The following TBC1D4 variants were observed in gnomAD, a reference collection of about 807,000 sequenced individuals.
The protein encoded by TBC1D4 is TBC (Tre-2, BUB2, CDC16) domain-containing protein.
TBC1D4 carries 121 observed loss-of-function variants against 142.5 expected under a neutral mutation model. The ratio of observed to expected loss-of-function variants is 0.85; its 90% confidence interval spans 0.73 to 0.99. The LOEUF is 0.99. Ranked by LOEUF, TBC1D4 falls within the 50% of genes least tolerant of loss-of-function variation. The pLI is 0.00. For synonymous variants in TBC1D4, 630 were observed against 628.2 expected, an observed-to-expected ratio of 1.00 and a Z score of -0.04; for missense variants, 1,475 against 1,606.6, an observed-to-expected ratio of 0.92 and a Z score of 1.40.
chr13:75,458,644 A>C (rs1179881887), intron 1 of TBC1D4, among the ~76,000 whole-genome samples: 1 of 152,182 alleles, frequency 6.6e-6, no homozygotes, highest in Non-Finnish European at 1.5e-5. Context: ...AACTCTATTT[A>C]ATGTATACCC....
intron 3 of TBC1D4, among the ~76,000 whole-genome samples, 181 bp downstream of exon 3, chr13:75,359,587 AT>A (rs1566422783): frequency 2.0e-5 from 3 of 152,236 alleles, no homozygotes; most frequent in African/African-American, 7.2e-5. Flanking sequence ...CCTGGGCAGG[AT>A]TTTGGTGCTG....
In TBC1D4 at chr13:75,287,027, T is replaced by C; in HGVS notation, c.3664-2A>G. ...GGCCTGGATTTTAGTATGAGCTACC[T>C]GTTTGGGGGGGAAAAAATCCTCCAA... On this transcript the variant is annotated splice_acceptor_variant, in intron 20 of 20. Transcript: ENST00000377636. LOFTEE classifies it high-confidence loss of function. The C allele has an allele frequency of 1.2e-6, 2 of 1,601,660 alleles. No homozygotes were observed. Among genetic ancestry groups the C allele is most frequent in the Non-Finnish European group, 1.7e-6 (2 of 1,179,070 alleles).
At chr13:75,343,116 G>A (rs944418030) in intron 5 of TBC1D4, among the ~76,000 whole-genome samples, 2 of 152,212 alleles carry the variant, frequency 1.3e-5, no homozygotes, top group African/African-American at 4.8e-5. Flanking sequence ...TTTTCTCATT[G>A]TATTCATTTC....
At chr13:75,410,148 A>G (rs566330643) in intron 1 of TBC1D4, among the ~76,000 whole-genome samples, 2 of 152,274 alleles carry the variant, frequency 1.3e-5, no homozygotes, top group South Asian at 2.1e-4. Context: ...CATGATAATC[A>G]CTCAATAAAT....
At chr13:75,461,967 C>T (rs1483213537) in intron 1 of TBC1D4, among the ~76,000 whole-genome samples, 2 of 152,178 alleles carry the variant, frequency 1.3e-5, no homozygotes, top group Non-Finnish European at 2.9e-5. Context: ...TCACTTAAAC[C>T]TCTTATTCCC....
intron 1 of TBC1D4, among the ~76,000 whole-genome samples, chr13:75,419,984 G>T (rs892394996): frequency 1.3e-5 from 2 of 152,232 alleles, no homozygotes; most frequent in African/African-American, 4.8e-5. Context: ...GATTTTAAAG[G>T]AAGAGCAGGA....
intron 20 of TBC1D4, among the ~76,000 whole-genome samples, chr13:75,287,898 G>T (rs1050271572): frequency 1.1e-4 from 16 of 152,034 alleles, no homozygotes; most frequent in Non-Finnish European, 1.5e-4. Context: ...TGGAAACCGA[G>T]GAGCCATTAG....
chr13:75,349,524 T>C (rs773301941), intron 4 of TBC1D4, among the ~76,000 whole-genome samples: 1 of 152,258 alleles, frequency 6.6e-6, no homozygotes, highest in African/African-American at 2.4e-5. Flanking sequence ...GTGTGTAATA[T>C]AATACCGCTC....
chr13:75,289,397 C>T (rs1017320426), intron 19 of TBC1D4, among the ~76,000 whole-genome samples: 11 of 151,426 alleles, frequency 7.3e-5, no homozygotes, highest in African/African-American at 2.7e-4. Context: ...AAGCTAAGTC[C>T]CTAGAATAAA....
In TBC1D4 at chr13:75,292,268, A is replaced by G. The variant is rs1875389445; in HGVS notation, c.3320T>C (p.Ile1107Thr). 6.2e-7 allele frequency: 1 copy of G among 1,610,736 alleles called. No homozygotes were observed. Among genetic ancestry groups the G allele is most frequent in the African/African-American group, 1.3e-5 (1 of 74,972 alleles). The change falls in exon 19 of 21, where the codon ATT (isoleucine) becomes ACT (threonine). Residue 1107 changes from isoleucine to threonine, a missense_variant. Around this residue, in one of 2 missense-constraint regions of TBC1D4, gnomAD observed 248 missense variants for 338.9 expected, o/e 0.73. Transcript: ENST00000377636. ...SLGFVARVFD[I>T]IFLQGTEVIF... is the part of the protein sequence containing the mutation. ...AACTTCAGTTCCCTGAAGAAAAATA[A>G]TATCTAAAAGAAGAGATATAATTTT... is the stretch of plus-strand genomic sequence containing the variant.
chr13:75,470,028 G>A (rs553746763), intron 1 of TBC1D4, among the ~76,000 whole-genome samples: 4 of 152,274 alleles, frequency 2.6e-5, no homozygotes, highest in African/African-American at 9.6e-5. Context: ...AGGACATGGG[G>A]TTTGGAATCC....
At chr13:75,425,824 A>G (rs2138139209) in intron 1 of TBC1D4, among the ~76,000 whole-genome samples, 1 of 152,254 alleles carries the variant, frequency 6.6e-6, no homozygotes, top group East Asian at 1.9e-4. Flanking sequence ...AGGCACTGAT[A>G]AGATGTTAGT....
chr13:75,372,571 T>C (rs530341396), intron 1 of TBC1D4, among the ~76,000 whole-genome samples: 18 of 152,278 alleles, frequency 1.2e-4, no homozygotes, highest in Admixed American at 7.2e-4. Context: ...AGCCTGGCCC[T>C]AAGGCTCATT....
At chr13:75,317,945 C>T (rs995405478) in intron 12 of TBC1D4, among the ~76,000 whole-genome samples, 7 of 152,142 alleles carry the variant, frequency 4.6e-5, no homozygotes, top group African/African-American at 1.7e-4. Flanking sequence ...ATATAGGATC[C>T]ATCAAATGCT....
intron 1 of TBC1D4, among the ~76,000 whole-genome samples, chr13:75,409,690 C>T (rs1885511661): frequency 6.6e-6 from 1 of 152,182 alleles, no homozygotes; most frequent in Non-Finnish European, 1.5e-5. Context: ...ACACAAATCT[C>T]TTTAATGAAT....
chr13:75,432,816 A>G (rs949002876), intron 1 of TBC1D4, among the ~76,000 whole-genome samples: 6 of 152,088 alleles, frequency 3.9e-5, no homozygotes, highest in Non-Finnish European at 7.4e-5. Context: ...AGCCAGCAAG[A>G]AGTGGCATTG....
At chr13:75,476,719 AC>A (rs1256567829) in intron 1 of TBC1D4, among the ~76,000 whole-genome samples, 2 of 152,234 alleles carry the variant, frequency 1.3e-5, no homozygotes, top group African/African-American at 4.8e-5. Flanking sequence ...ATCCAGGGGA[AC>A]AGAAATGGTC....
Position 75,327,831 on chromosome 13 carries a change from G to A in TBC1D4, c.1732-5C>T, listed in dbSNP as rs1879405918. On this transcript the variant is annotated splice_polypyrimidine_tract_variant and splice_region_variant and intron_variant, in intron 8 of 20. Coordinates refer to ENST00000377636, the MANE Select transcript of TBC1D4 (RefSeq NM_014832.5). ...ACCTCTCATTCTGTTAGCTCCCTGA[G>A]TGAAAAGAATAAAATTAAGTGCTTC... 1 of 1,613,794 alleles carries A rather than the reference G, an allele frequency of 6.2e-7. No homozygotes were observed. The highest frequency in any genetic ancestry group is 1.3e-5 in the African/African-American group (1 of 75,030).
chr13:75,386,610 G>A (rs1281178154), intron 1 of TBC1D4, among the ~76,000 whole-genome samples: 2 of 151,828 alleles, frequency 1.3e-5, no homozygotes, highest in East Asian at 1.9e-4. Flanking sequence ...GGATGGTCTC[G>A]ATCTCCTGAC....
Sources: gnomAD v4.1 joint callset for allele counts (sites outside exome capture counted in the v4.1 genomes callset) on GRCh38, gnomAD v4.1.1 for gene constraint, gnomAD v4.1.1 regional missense constraint, MANE v1.5 for transcripts, NCBI Gene and HGNC (gene_info 2026-07-23, HGNC 2026-07-21) for gene names.